TPRG1: variants seen among roughly 807,000 people sequenced by gnomAD.
The protein encoded by TPRG1 is tumor protein p63-regulated gene 1 protein.
Under a neutral mutation model 29.3 loss-of-function variants are expected in TPRG1, and 29 were observed. The observed-to-expected ratio is 0.99, with a 90% CI of 0.74 to 1.35. TPRG1 has a LOEUF of 1.35. Ranked by LOEUF, TPRG1 falls within the 40% of genes most tolerant of loss-of-function variation. The pLI, the probability that TPRG1 is intolerant of heterozygous loss-of-function variation, is 0.00. For missense variants in TPRG1, 327 were observed against 335.0 expected (o/e 0.98, Z 0.19); for synonymous variants, 130 against 116.8 (o/e 1.11, Z -0.73).
chr3:189,012,448 G>A (rs976900091), intron 3 of TPRG1, among the ~76,000 whole-genome samples: 10 of 152,094 alleles, frequency 6.6e-5, no homozygotes, highest in African/African-American at 1.9e-4. Flanking sequence ...TATGCTGAAC[G>A]AGTCTTGCAT....
chr3:189,057,339 C>G (rs1390100518), intron 4 of TPRG1, among the ~76,000 whole-genome samples: 2 of 152,174 alleles, frequency 1.3e-5, no homozygotes, highest in African/African-American at 4.8e-5. Flanking sequence ...TCCCTCTGGG[C>G]TGTAACATGA....
At chr3:189,264,815 G>A (rs1384051817) in intron 4 of TPRG1, among the ~76,000 whole-genome samples, 2 of 152,138 alleles carry the variant, frequency 1.3e-5, no homozygotes, top group Admixed American at 6.5e-5. Context: ...TATTCAGTCA[G>A]TAAATAATAT....
At chr3:189,288,446 A>G (rs1038510956) in intron 4 of TPRG1, among the ~76,000 whole-genome samples, 3 of 152,230 alleles carry the variant, frequency 2.0e-5, no homozygotes, top group Admixed American at 6.5e-5. Context: ...ACTATTCACC[A>G]TCTAATTTTG....
At chr3:189,288,049 TGA>T (rs562699622) in intron 4 of TPRG1, among the ~76,000 whole-genome samples, 1 of 150,948 alleles carries the variant, frequency 6.6e-6, no homozygotes, top group South Asian at 2.1e-4. Context: ...TCTGAGACAG[TGA>T]GAGAGAAAAG....
At position 189,323,732 on chromosome 3, in the gene TPRG1, A is replaced by G. The variant is rs1256986506; in HGVS notation, c.*2912A>G. 3 of 152,142 alleles carry G rather than the reference A, an allele frequency of 2.0e-5. No individual in the cohort carries two copies. The highest frequency in any genetic ancestry group is 4.4e-5 in the Non-Finnish European group (3 of 68,020). The allele number at this position is 152,142 out of a possible 1,614,324, so 9.4% of individuals were successfully genotyped here. A position where few individuals can be genotyped will look rare whatever the true frequency, so the allele number is the denominator to read the frequency against. On this transcript the variant is annotated 3_prime_UTR_variant, in exon 6 of 6. Coordinates refer to ENST00000345063, the MANE Select transcript of TPRG1 (RefSeq NM_198485.4). ...TGAACTTACCACTACAGTTTAGCAA[A>G]TGGCATGATGAGTTTGATTGATAAT...
At chr3:189,249,473 C>T (rs1399438524) in intron 4 of TPRG1, among the ~76,000 whole-genome samples, 1 of 151,934 alleles carries the variant, frequency 6.6e-6, no homozygotes, top group Admixed American at 6.6e-5. Flanking sequence ...CACTTGCATA[C>T]ATCCTATAAT....
At chr3:189,314,052 G>A in intron 5 of TPRG1, among the ~76,000 whole-genome samples, 1 of 152,124 alleles carries the variant, frequency 6.6e-6, no homozygotes, top group East Asian at 1.9e-4. Flanking sequence ...ATTAATGAAA[G>A]CAAGTAACTG....
intron 4 of TPRG1, among the ~76,000 whole-genome samples, chr3:189,050,307 A>G (rs1715235453): frequency 6.6e-6 from 1 of 152,194 alleles, no homozygotes; most frequent in South Asian, 2.1e-4. Context: ...ACTATGAACA[A>G]CTTTATGCAC....
chr3:189,066,562 C>T (rs1448729306), intron 4 of TPRG1, among the ~76,000 whole-genome samples: 3 of 151,402 alleles, frequency 2.0e-5, no homozygotes, highest in Non-Finnish European at 4.4e-5. Flanking sequence ...GAATGAAGTA[C>T]AACATATGAC....
chr3:189,011,244 G>A (rs188790829), intron 3 of TPRG1, among the ~76,000 whole-genome samples: 2 of 152,080 alleles, frequency 1.3e-5, no homozygotes, highest in African/African-American at 2.4e-5. Context: ...TTGTCTAATC[G>A]GCTCTTTTTT....
At chr3:189,064,033 A>T (rs1426708800) in intron 4 of TPRG1, among the ~76,000 whole-genome samples, 7 of 152,194 alleles carry the variant, frequency 4.6e-5, no homozygotes, top group Admixed American at 2.6e-4. Flanking sequence ...CTTAATACAC[A>T]TAAGATGCAC....
At chr3:189,297,891 C>A (rs1275619518) in intron 4 of TPRG1, among the ~76,000 whole-genome samples, 1 of 152,022 alleles carries the variant, frequency 6.6e-6, no homozygotes, top group African/African-American at 2.4e-5. Flanking sequence ...GTATGCAAAG[C>A]CTGCTATGCT....
intron 4 of TPRG1, among the ~76,000 whole-genome samples, chr3:189,296,210 C>A (rs538985206): frequency 7.2e-5 from 11 of 152,326 alleles, no homozygotes; most frequent in African/African-American, 2.6e-4. Flanking sequence ...TGTGAAAGAT[C>A]AGGTGCCAAA....
At chr3:189,267,655 C>A (rs1714350386) in intron 4 of TPRG1, 1 of 151,170 alleles carries the variant, frequency 6.6e-6, no homozygotes, top group Non-Finnish European at 1.5e-5. Context: ...CATGACTAGT[C>A]TCCTGGGTGA....
At chr3:189,048,613 C>T (rs1350810711) in intron 4 of TPRG1, among the ~76,000 whole-genome samples, 1 of 152,044 alleles carries the variant, frequency 6.6e-6, no homozygotes, top group African/African-American at 2.4e-5. Flanking sequence ...CCTTGGAAAT[C>T]TGGGCTACAT....
rs187162718 is a variant in TPRG1, at chr3:189,063,931, C to T, written c.-463+39985C>T. Among the ~76,000 whole-genome samples, 342 of 152,162 alleles carry T rather than the reference C, an allele frequency of 2.2e-3. 2 individuals are homozygous for T. The highest frequency in any genetic ancestry group is 8.1e-3 in the African/African-American group (335 of 41,548). On this transcript the variant is annotated intron_variant, in intron 4 of 10. Transcript: ENST00000433971. ...TATAGTAAAGGGTCCCAAGAAAAAT[C>T]AGTGAAGAGAAAAGGTGTATGGGTA...
intron 4 of TPRG1, among the ~76,000 whole-genome samples, chr3:189,299,626 ATTTT>A (rs60136863): frequency 1.5e-5 from 2 of 135,682 alleles, no homozygotes; most frequent in Non-Finnish European, 1.6e-5. Context: ...TGAGTTGTGT[ATTTT>A]TTTTTTTTTT....
At chr3:189,229,255 G>C (rs947219630) in intron 3 of TPRG1, among the ~76,000 whole-genome samples, 16 of 151,884 alleles carry the variant, frequency 1.1e-4, no homozygotes, top group African/African-American at 3.4e-4. Flanking sequence ...TATTTTTGTA[G>C]GTATAGACAC....
chr3:189,263,748 A>G (rs1204915767), intron 4 of TPRG1, among the ~76,000 whole-genome samples: 1 of 152,224 alleles, frequency 6.6e-6, no homozygotes, highest in African/African-American at 2.4e-5. Flanking sequence ...TTATATAAAC[A>G]CAGGGCTTTA....
Sources: gnomAD v4.1 joint callset for allele counts (sites outside exome capture counted in the v4.1 genomes callset) on GRCh38, gnomAD v4.1.1 for gene constraint, MANE v1.5 for transcripts, NCBI Gene and HGNC (gene_info 2026-07-23, HGNC 2026-07-21) for gene names.